IL6R: variants seen among roughly 807,000 people sequenced by gnomAD.
IL6R encodes the protein interleukin-6 receptor subunit alpha.
Under a neutral mutation model 48.3 loss-of-function variants are expected in IL6R, and 38 were observed. That is an observed-to-expected ratio of 0.79 (90% CI 0.61 to 1.03). The LOEUF is 1.03. Ranked by LOEUF, IL6R falls within the 50% of genes least tolerant of loss-of-function variation. IL6R has a pLI of 0.00. For synonymous variants in IL6R, 264 were observed against 256.2 expected, an observed-to-expected ratio of 1.03 and a Z score of -0.29; for missense variants, 534 against 618.3, an observed-to-expected ratio of 0.86 and a Z score of 1.45.
chr1:154,456,500 C>T (rs1690900075), intron 9 of IL6R, among the ~76,000 whole-genome samples: 1 of 152,128 alleles, frequency 6.6e-6, no homozygotes, highest in South Asian at 2.1e-4. Context: ...AGCCACTGCA[C>T]CCGGCCTCAA....
intron 8 of IL6R, among the ~76,000 whole-genome samples, chr1:154,451,586 T>C (rs1233296307): frequency 6.6e-6 from 1 of 152,058 alleles, no homozygotes; most frequent in Non-Finnish European, 1.5e-5. Flanking sequence ...GTCCTCTTCG[T>C]CCACCCTCAC....
At chr1:154,412,132 A>G (rs993071390) in intron 1 of IL6R, among the ~76,000 whole-genome samples, 9 of 151,694 alleles carry the variant, frequency 5.9e-5, no homozygotes, top group Admixed American at 2.6e-4. Context: ...TATTTTTAGT[A>G]GAGACGGGGT....
chr1:154,414,460 G>T, intron 1 of IL6R: 1 of 1,177,970 alleles, frequency 8.5e-7, no homozygotes. Context: ...GCTGCTGGCC[G>T]GCAAAACTAT....
chr1:154,444,515 G>A (rs1690109296), intron 6 of IL6R, among the ~76,000 whole-genome samples: 1 of 152,186 alleles, frequency 6.6e-6, no homozygotes, highest in African/African-American at 2.4e-5. Flanking sequence ...CTGGTTGCCA[G>A]CTTTTAATTT....
intron 9 of IL6R, among the ~76,000 whole-genome samples, chr1:154,457,259 G>A (rs564346422): frequency 6.9e-6 from 1 of 145,084 alleles, no homozygotes; most frequent in Admixed American, 7.3e-5. Flanking sequence ...GGAGGCAGAG[G>A]TTGCAGTGAG....
rs555685120 is a variant in IL6R, at chr1:154,419,211, T to C, written c.86-9985T>C. ...CAAGACTTCCTCCCTGGCAGACTTT[T>C]TGTGAGTAGTGTGCTCTTAGGGAAA... On this transcript the variant is annotated intron_variant, in intron 1 of 9. Coordinates refer to ENST00000368485, the MANE Select transcript of IL6R (RefSeq NM_000565.4). Among the ~76,000 whole-genome samples, 288 of 152,246 alleles carry C rather than the reference T, an allele frequency of 1.9e-3. 1 individual carries two copies. The highest frequency in any genetic ancestry group is 6.7e-3 in the African/African-American group (277 of 41,552).
intron 3 of IL6R, among the ~76,000 whole-genome samples, chr1:154,430,931 A>G (rs1689261485): frequency 6.6e-6 from 1 of 152,198 alleles, no homozygotes; most frequent in Non-Finnish European, 1.5e-5. Context: ...CTTAGCTAGT[A>G]AGTGGCTCTG....
At position 154,429,402 on chromosome 1, in the gene IL6R, C is replaced by G. The variant is rs370155930; in HGVS notation, c.292C>G (p.Arg98Gly). The G allele has an allele frequency of 3.7e-6, 6 of 1,613,806 alleles. No individual in the cohort carries two copies. Among genetic ancestry groups the G allele is most frequent in the South Asian group, 2.2e-5 (2 of 91,058 alleles). Reference sequence around the variant, plus strand: ...CGACTCTGGAAACTATTCATGCTACCGGGCCGGCCGCCCAGCTGGGACTGT... The same window carrying G: ...CGACTCTGGAAACTATTCATGCTACGGGGCCGGCCGCCCAGCTGGGACTGT... The part of the protein sequence containing the change: ...LHDSGNYSCY[R>G]AGRPAGTVHL... The change falls in exon 2 of 10, where the codon CGG (arginine) becomes GGG (glycine). Residue 98 changes from arginine (R) to glycine (G), a missense_variant. Arg to Gly is a moderately radical substitution (Grantham distance 125, BLOSUM62 -2). Coordinates refer to ENST00000368485, the MANE Select transcript of IL6R (RefSeq NM_000565.4).
chr1:154,430,160 C>T (rs752161623), intron 2 of IL6R, among the ~76,000 whole-genome samples: 2 of 152,190 alleles, frequency 1.3e-5, no homozygotes, highest in East Asian at 1.9e-4. Context: ...TGCCCAAGGC[C>T]GCACAGCCAG....
chr1:154,447,454 A>T (rs376655433), intron 6 of IL6R, among the ~76,000 whole-genome samples: 11,801 of 67,000 alleles, frequency 0.18, 1,796 homozygotes, highest in Non-Finnish European at 0.21. Flanking sequence ...AAAAAAAAAA[A>T]ATATATATAT....
intron 1 of IL6R, among the ~76,000 whole-genome samples, chr1:154,421,435 G>A (rs1688657458): frequency 6.6e-6 from 1 of 152,182 alleles, no homozygotes. Flanking sequence ...ACCTAACCCA[G>A]GCTCTTGGGT....
chr1:154,412,825 C>T (rs1216680051), intron 1 of IL6R, among the ~76,000 whole-genome samples: 1 of 151,976 alleles, frequency 6.6e-6, no homozygotes, highest in African/African-American at 2.4e-5. Flanking sequence ...GAAACAAGCC[C>T]AAAGTCACAC....
At chr1:154,453,624 A>C (rs1026682143) in intron 8 of IL6R, among the ~76,000 whole-genome samples, 3 of 152,224 alleles carry the variant, frequency 2.0e-5, no homozygotes, top group African/African-American at 7.2e-5. Context: ...CATTCAAAGA[A>C]ATATTTTGGC....
At chr1:154,436,155 A>C in intron 6 of IL6R, 45 bp downstream of exon 6, 1 of 1,562,306 alleles carries the variant, frequency 6.4e-7, no homozygotes, top group Non-Finnish European at 8.7e-7. Context: ...TTCAACTGTC[A>C]TTGCATCAGG....
intron 6 of IL6R, among the ~76,000 whole-genome samples, chr1:154,437,754 C>T (rs1196043343): frequency 6.6e-6 from 1 of 151,276 alleles, no homozygotes. Flanking sequence ...CGCTCTGTTG[C>T]CCAGGCTGGA....
chr1:154,461,895 C>T (rs1691285061), intron 9 of IL6R, among the ~76,000 whole-genome samples: 1 of 152,156 alleles, frequency 6.6e-6, no homozygotes, highest in Non-Finnish European at 1.5e-5. Context: ...GCTGTCTTCT[C>T]ATGCCAATCC....
At chr1:154,439,740 A>G (rs1689827034) in intron 6 of IL6R, among the ~76,000 whole-genome samples, 1 of 152,174 alleles carries the variant, frequency 6.6e-6, no homozygotes, top group East Asian at 1.9e-4. Context: ...TTAAACAGTA[A>G]CTTTCCTTTC....
At position 154,435,087 on chromosome 1, in the gene IL6R, A is replaced by C; in HGVS notation, c.738A>C (p.Ser246=). The C allele has an allele frequency of 1.2e-6, 2 of 1,614,114 alleles. No homozygotes were observed. The highest frequency in any genetic ancestry group is 1.7e-6 in the Non-Finnish European group (2 of 1,179,948). ...GGCAAGACCCCCACTCCTGGAACTC[A>C]TCTTTCTACAGACTACGGTTTGAGC... The part of the protein sequence containing the change: ...VTWQDPHSWN[S]SFYRLRFELR... Residue 246 remains serine, a synonymous_variant, in exon 5 of 10, where the codon TCA becomes TCC. Coordinates refer to ENST00000368485, the MANE Select transcript of IL6R (RefSeq NM_000565.4).
At chr1:154,442,958 A>T (rs1220049849) in intron 6 of IL6R, among the ~76,000 whole-genome samples, 3 of 151,964 alleles carry the variant, frequency 2.0e-5, no homozygotes, top group Non-Finnish European at 4.4e-5. Flanking sequence ...TTTTACAGAG[A>T]TGAGGTCACC....
Sources: allele counts gnomAD v4.1 joint callset (sites outside exome capture counted in the v4.1 genomes callset), GRCh38; gene constraint gnomAD v4.1.1; transcripts MANE v1.5; gene names NCBI Gene and HGNC (gene_info 2026-07-23, HGNC 2026-07-21).